GALNT16: variants seen among roughly 807,000 people sequenced by gnomAD.
GALNT16 encodes the protein UDP-GalNAc:polypeptide N-acetylgalactosaminyltransferase-like protein 1.
In GALNT16, 40 loss-of-function variants were observed where a neutral mutation model predicts 76.1. The observed-to-expected ratio is 0.53, with a 90% CI of 0.41 to 0.68. The LOEUF is 0.68. Ranked by LOEUF, GALNT16 falls within the 30% of genes least tolerant of loss-of-function variation. GALNT16 has a pLI of 0.00. For missense variants in GALNT16, 621 were observed against 731.9 expected, an observed-to-expected ratio of 0.85 and a Z score of 1.75; for synonymous variants, 276 against 285.2, an observed-to-expected ratio of 0.97 and a Z score of 0.32.
intron 14 of GALNT16, 62 bp downstream of exon 14, chr14:69,348,064 C>G: frequency 1.9e-6 from 3 of 1,560,126 alleles, no homozygotes; most frequent in Non-Finnish European, 2.6e-6. Context: ...CTCAGGGTGG[C>G]AGACCTTGGC....
intron 1 of GALNT16, 90 bp downstream of exon 1, chr14:69,260,557 C>A: frequency 2.1e-6 from 2 of 945,386 alleles, no homozygotes; most frequent in South Asian, 5.1e-5. Flanking sequence ...GGGGCCCGGC[C>A]AGGGCTGAGT....
chr14:69,278,796 T>G (rs2044504992), intron 1 of GALNT16, among the ~76,000 whole-genome samples: 1 of 152,220 alleles, frequency 6.6e-6, no homozygotes, highest in Non-Finnish European at 1.5e-5. Context: ...TAGCATTGAT[T>G]AATTCCTTAG....
chr14:69,366,018 G>A, the GALNT16 span, among the ~76,000 whole-genome samples: 1 of 152,186 alleles, frequency 6.6e-6, no homozygotes, highest in Non-Finnish European at 1.5e-5. Flanking sequence ...CGGGACAACG[G>A]AAAGTCACTA....
intron 1 of GALNT16, among the ~76,000 whole-genome samples, chr14:69,312,616 A>G (rs939918408): frequency 2.0e-5 from 3 of 152,190 alleles, no homozygotes; most frequent in Non-Finnish European, 2.9e-5. Flanking sequence ...GACCCAGGAA[A>G]TCTGGTGGTG....
rs138593134 is a variant in GALNT16 at position 69,339,596 on chromosome 14, G to A, written c.1164G>A (p.Ser388=). The change falls in exon 11 of 15, where the codon TCG becomes TCA. Residue 388 remains serine, a synonymous_variant. Transcript: ENST00000448469. ...YKQYYYEARP[S]AIGKAFGSVA... is the part of the protein sequence containing the mutation. ...AATACTACTATGAGGCCCGGCCCTC[G>A]GCCATCGGGAAGGCCTTCGGCAGGT... The A allele has an allele frequency of 3.7e-4, 587 of 1,608,164 alleles. 4 individuals are homozygous for A. The highest frequency in any genetic ancestry group is 2.1e-3 in the South Asian group (188 of 90,382).
chr14:69,371,120 G>C, the GALNT16 span, among the ~76,000 whole-genome samples: 1 of 152,236 alleles, frequency 6.6e-6, no homozygotes, highest in Non-Finnish European at 1.5e-5. Flanking sequence ...GCCGGAAGTT[G>C]AACAAGATTC....
intron 1 of GALNT16, among the ~76,000 whole-genome samples, chr14:69,270,311 C>T (rs765891127): frequency 2.6e-5 from 4 of 152,130 alleles, no homozygotes; most frequent in Non-Finnish European, 5.9e-5. Flanking sequence ...CGGCTCTGCC[C>T]GGCCCATCTG....
intron 1 of GALNT16, among the ~76,000 whole-genome samples, chr14:69,282,419 C>A (rs548745577): frequency 6.6e-6 from 1 of 152,192 alleles, no homozygotes; most frequent in Non-Finnish European, 1.5e-5. Context: ...GCCTAGAACA[C>A]CCCTAGCTCC....
chr14:69,320,410 G>A (rs539054047), intron 1 of GALNT16, among the ~76,000 whole-genome samples: 59 of 151,872 alleles, frequency 3.9e-4, no homozygotes, highest in African/African-American at 1.4e-3. Flanking sequence ...CAGGAGAATC[G>A]CTTCAACCTG....
intron 1 of GALNT16, among the ~76,000 whole-genome samples, chr14:69,275,361 A>G (rs2044458550): frequency 6.6e-6 from 1 of 151,986 alleles, no homozygotes; most frequent in South Asian, 2.1e-4. Context: ...AAAATAAATG[A>G]AATTGATCAG....
At chr14:69,351,921 C>T in intron 14 of GALNT16, 110 bp from the exon 15 acceptor site, 9 of 1,014,852 alleles carry the variant, frequency 8.9e-6, no homozygotes, top group Non-Finnish European at 1.3e-5. Context: ...GGGGATGTGT[C>T]CTAGTTATAT....
intron 2 of GALNT16, among the ~76,000 whole-genome samples, chr14:69,322,729 T>C (rs770317767): frequency 4.0e-5 from 6 of 151,876 alleles, no homozygotes; most frequent in Admixed American, 1.3e-4. Context: ...CTGTCTCTAC[T>C]AAAATACAAA....
At chr14:69,382,840 T>C in the GALNT16 span, among the ~76,000 whole-genome samples, 1 of 151,342 alleles carries the variant, frequency 6.6e-6, no homozygotes, top group South Asian at 2.1e-4. Flanking sequence ...GAAAGCTGTG[T>C]GTCGATGGCT....
rs1373105126 is a variant in GALNT16, at chr14:69,354,318, C to G, written c.*2150C>G. On this transcript the variant is annotated 3_prime_UTR_variant, in exon 15 of 15. Transcript: ENST00000448469. Reference sequence around the variant, plus strand: ...TCCTTTGCTGTGGTCAGATCAGGCTCTGCACTTATCAGCCGGTCCTTTGTG... The same window carrying G: ...TCCTTTGCTGTGGTCAGATCAGGCTGTGCACTTATCAGCCGGTCCTTTGTG... 1.3e-5 allele frequency: 2 copies of G among 152,800 alleles called. No homozygotes were observed. Among genetic ancestry groups the G allele is most frequent in the Non-Finnish European group, 2.9e-5 (2 of 68,134 alleles). 9.5% of individuals were successfully genotyped at this position (152,800 alleles called of 1,614,324 possible). A position where few individuals can be genotyped will look rare whatever the true frequency, so the allele number is the denominator to read the frequency against.
Position 69,333,433 on chromosome 14 carries a change from C to T in GALNT16, c.864-64C>T. ...AGGCAGACGGTCTTGGGTCCTGGGGCCATCTAAAGGGCCTCCTTGCTTCTC... is the reference window on the plus strand; with the variant it reads ...AGGCAGACGGTCTTGGGTCCTGGGGTCATCTAAAGGGCCTCCTTGCTTCTC... On this transcript the variant is annotated intron_variant, in intron 8 of 14. Coordinates refer to ENST00000448469, the MANE Select transcript of GALNT16 (RefSeq NM_001168368.2). The surrounding 1 kb of genome is among the most constrained non-coding windows in gnomAD (Gnocchi z 4.2). 1 of 973,194 alleles carries T rather than the reference C, an allele frequency of 1.0e-6. No individual in the cohort carries two copies. The highest frequency in any genetic ancestry group is 1.3e-5 in the South Asian group (1 of 77,080). 60.3% of individuals were successfully genotyped at this position (973,194 alleles called of 1,614,324 possible).
At chr14:69,285,328 G>A (rs569760649) in intron 1 of GALNT16, among the ~76,000 whole-genome samples, 11 of 152,206 alleles carry the variant, frequency 7.2e-5, no homozygotes, top group Admixed American at 4.6e-4. Context: ...CCAGCCTGGG[G>A]CAGTTCTTTA....
At chr14:69,350,388 C>T (rs2045619677) in intron 14 of GALNT16, 1 of 152,270 alleles carries the variant, frequency 6.6e-6, no homozygotes, top group Non-Finnish European at 1.5e-5. Context: ...TAGCTCCAAG[C>T]ACCACGACTC....
chr14:69,360,656 A>G (rs1283694551), downstream of GALNT16, among the ~76,000 whole-genome samples: 1 of 151,788 alleles, frequency 6.6e-6, no homozygotes, highest in Non-Finnish European at 1.5e-5. Flanking sequence ...AGGAGAGGAG[A>G]GAAGAATAGA....
intron 1 of GALNT16, among the ~76,000 whole-genome samples, chr14:69,277,146 C>A (rs1246620334): frequency 6.6e-6 from 1 of 152,200 alleles, no homozygotes; most frequent in East Asian, 1.9e-4. Context: ...GGTGTGTCTT[C>A]ATGAAGGACA....
Sources: allele counts gnomAD v4.1 joint callset (sites outside exome capture counted in the v4.1 genomes callset), GRCh38; gene constraint gnomAD v4.1.1; non-coding constraint Gnocchi (gnomAD v3.1); transcripts MANE v1.5; gene names NCBI Gene and HGNC (gene_info 2026-07-23, HGNC 2026-07-21).